HNF4A: variants seen among roughly 807,000 people sequenced by gnomAD.
HNF4A encodes the protein hepatocyte nuclear factor 4 alpha, also known as hepatocyte nuclear factor 4-alpha.
Under a neutral mutation model 52.4 loss-of-function variants are expected in HNF4A, and 15 were observed. The observed-to-expected ratio is 0.29, with a 90% CI of 0.19 to 0.44. The LOEUF is 0.44. Ranked by LOEUF, HNF4A falls within the 20% of genes least tolerant of loss-of-function variation. The probability of loss-of-function intolerance (pLI) is 1.00; values close to 1 mark genes in which losing one functional copy is unlikely to be tolerated. For synonymous variants in HNF4A, 280 were observed against 264.4 expected, an observed-to-expected ratio of 1.06 and a Z score of -0.57; for missense variants, 479 against 647.2, an observed-to-expected ratio of 0.74 and a Z score of 2.82.
chr20:44,401,024 T>C (rs112202184), upstream of HNF4A, among the ~76,000 whole-genome samples: 2,806 of 152,160 alleles, frequency 0.018, 84 homozygotes, highest in African/African-American at 0.064. Context: ...TGAGTCATGA[T>C]GCCTGCCTTG....
intron 3 of HNF4A, chr20:44,408,253 T>C (rs1415693550): frequency 6.4e-6 from 1 of 155,656 alleles, no homozygotes; most frequent in Non-Finnish European, 1.4e-5. Context: ...AGGCCCACAA[T>C]GGTTAAGCAA....
At chr20:44,412,121 A>T (rs550349650) in intron 3 of HNF4A, among the ~76,000 whole-genome samples, 98 of 152,266 alleles carry the variant, frequency 6.4e-4, no homozygotes, top group East Asian at 3.9e-4. Context: ...TCACTGCACA[A>T]ATATTCATTG....
At position 44,424,115 on chromosome 20, in the gene HNF4A, G is replaced by A. The variant is rs140146223; in HGVS notation, c.990G>A (p.Ser330=). 22 of 1,613,292 alleles carry A rather than the reference G, an allele frequency of 1.4e-5. No individual in the cohort carries two copies. Among genetic ancestry groups the A allele is most frequent in the Admixed American group, 5.0e-5 (3 of 59,980 alleles). ...ACATCAACGACCGCCAGTATGACTC[G>A]CGTGGCCGCTTTGGAGAGCTGCTGC... The change falls in exon 8 of 10, where the codon TCG becomes TCA. Residue 330 remains serine (S), a synonymous_variant. Coordinates refer to ENST00000316099, the MANE Select transcript of HNF4A (RefSeq NM_000457.6).
At chr20:44,389,121 T>G (rs919471465) in intron 1 of HNF4A, among the ~76,000 whole-genome samples, 2 of 152,232 alleles carry the variant, frequency 1.3e-5, no homozygotes, top group East Asian at 3.8e-4. Context: ...AAAGAACTTT[T>G]GCAAAGTGGC....
intron 1 of HNF4A, chr20:44,395,592 C>G (rs780777509): frequency 6.6e-6 from 1 of 152,188 alleles, no homozygotes; most frequent in African/African-American, 2.4e-5. Flanking sequence ...TGGCCCAGAC[C>G]CCCTGTCCCT....
Position 44,413,727 on chromosome 20 carries a change from G to C in HNF4A, c.419G>C (p.Arg140Pro). Residue 140 changes from arginine (R) to proline (P), a missense_variant, in exon 4 of 10, where the codon CGA (arginine) becomes CCA (proline). This residue lies in a region of HNF4A where 389 missense variants were observed against 525.1 expected (regional missense o/e 0.74). Transcript: ENST00000316099. ...AATGAGCGGGACCGGATCAGCACTC[G>C]AAGGTCAAGCTATGAGGACAGCAGC... 6.2e-7 allele frequency: 1 copy of C among 1,613,798 alleles called. No homozygotes were observed. The highest frequency in any genetic ancestry group is 1.1e-5 in the South Asian group (1 of 91,040).
intron 1 of HNF4A, among the ~76,000 whole-genome samples, chr20:44,357,852 CACAA>C (rs146236924): frequency 0.16 from 23,236 of 148,394 alleles, 2,123 homozygotes; most frequent in Middle Eastern, 0.26. Flanking sequence ...AAAAAAAAAA[CACAA>C]ACAAACAAAA....
intron 5 of HNF4A, among the ~76,000 whole-genome samples, chr20:44,414,965 G>A (rs529686382): frequency 6.6e-6 from 1 of 152,308 alleles, no homozygotes; most frequent in South Asian, 2.1e-4. Flanking sequence ...ATCCAGCATA[G>A]CTGGGATTAG....
At position 44,381,503 on chromosome 20, in the gene HNF4A, C is replaced by G. The variant is rs2063153450; in HGVS notation, c.50-24555C>G. Among the ~76,000 whole-genome samples, 3 of 151,992 alleles carry G rather than the reference C, an allele frequency of 2.0e-5. No individual in the cohort carries two copies. In the South Asian group the frequency reaches 6.2e-4, roughly 32 times the overall value. On this transcript the variant is annotated intron_variant, in intron 1 of 9. Transcript: ENST00000316673. ...CATGTTGGCCACGTGAAACTGGTCT[C>G]AAACTCCTGGCTTCAACTGATCTGC... is the stretch of plus-strand genomic sequence containing the variant.
chr20:44,406,100 G>T lies in HNF4A; in HGVS notation c.158G>T (p.Ser53Ile). 1.2e-6 allele frequency: 2 copies of T among 1,613,338 alleles called. No individual in the cohort carries two copies. The highest frequency in any genetic ancestry group is 2.2e-5 in the South Asian group (2 of 91,052). The change falls in exon 2 of 10, where the codon AGC (serine) becomes ATC (isoleucine). Residue 53 changes from serine (S) to isoleucine (I), a missense_variant. By Grantham distance (142) the Ser-to-Ile change is moderately radical (BLOSUM62 -2). Around this residue, in one of 3 missense-constraint regions of HNF4A, gnomAD observed 90 missense variants for 105.5 expected, o/e 0.85. Transcript: ENST00000316099. The stretch of plus-strand genomic sequence containing the variant: ...GGCACCAACCTCAACGCGCCCAACA[G>T]CCTGGGTGTCAGCGCCCTGTGTGCC...
At chr20:44,368,593 G>T (rs76677756) in intron 1 of HNF4A, among the ~76,000 whole-genome samples, 1,759 of 152,180 alleles carry the variant, frequency 0.012, 48 homozygotes, top group African/African-American at 0.041. Flanking sequence ...ACCCCTCAGG[G>T]TAGCTCTGCT....
At chr20:44,381,316 T>C (rs2063151327) in intron 1 of HNF4A, among the ~76,000 whole-genome samples, 1 of 148,502 alleles carries the variant, frequency 6.7e-6, no homozygotes, top group Admixed American at 6.8e-5. Context: ...AGTTTTACTC[T>C]GTCACCCAGG....
Position 44,413,681 on chromosome 20 carries a change from T to C in HNF4A, c.386-13T>C, listed in dbSNP as rs2063618236. ...CCTGTTCTCCCTCCTCACCTCTCTG[T>C]GCCTCCTCACAGCCGTCCAGAATGA... On this transcript the variant is annotated splice_polypyrimidine_tract_variant and intron_variant, in intron 3 of 9. Coordinates refer to ENST00000316099, the MANE Select transcript of HNF4A (RefSeq NM_000457.6). 6.2e-7 allele frequency: 1 copy of C among 1,605,436 alleles called. No individual in the cohort carries two copies. Among genetic ancestry groups the C allele is most frequent in the African/African-American group, 1.3e-5 (1 of 74,508 alleles).
At chr20:44,387,721 T>TAA (rs367716974) in intron 1 of HNF4A, among the ~76,000 whole-genome samples, 33,734 of 107,080 alleles carry the variant, frequency 0.32, 6,645 homozygotes, top group Admixed American at 0.46. Flanking sequence ...CTGGCAGGTT[T>TAA]AAAAAAAAAA....
intron 8 of HNF4A, 115 bp from the exon 9 acceptor site, chr20:44,428,220 G>T: frequency 9.8e-7 from 1 of 1,020,540 alleles, no homozygotes. Context: ...TACCCAACAG[G>T]CACTGCCAAT....
At chr20:44,403,019 T>C (rs553767256) in intron 1 of HNF4A, among the ~76,000 whole-genome samples, 29 of 152,320 alleles carry the variant, frequency 1.9e-4, no homozygotes, top group African/African-American at 7.0e-4. Flanking sequence ...CTTTTAGGCC[T>C]GTCTGAGGAC....
upstream of HNF4A, among the ~76,000 whole-genome samples, chr20:44,399,571 C>T (rs202202229): frequency 8.5e-5 from 13 of 152,194 alleles, no homozygotes; most frequent in Non-Finnish European, 1.9e-4. Context: ...GATGCCTCCT[C>T]ATACCACTCG....
chr20:44,403,078 G>T (rs976699287), intron 1 of HNF4A, among the ~76,000 whole-genome samples: 9 of 152,190 alleles, frequency 5.9e-5, no homozygotes, highest in Non-Finnish European at 1.2e-4. Flanking sequence ...CAAACAAGCT[G>T]CTGCTGCACT....
In HNF4A at chr20:44,419,887, C is replaced by CA; in HGVS notation, c.892+12dup. 1.2e-6 allele frequency: 2 copies of CA among 1,613,662 alleles called. No individual in the cohort carries two copies. Among genetic ancestry groups the CA allele is most frequent in the Non-Finnish European group, 1.7e-6 (2 of 1,179,554 alleles). On this transcript the variant is annotated intron_variant, in intron 7 of 9. Coordinates refer to ENST00000316099, the MANE Select transcript of HNF4A (RefSeq NM_000457.6). The stretch of plus-strand genomic sequence containing the variant: ...TCTTCTTTGACCCAGGTACAGTGCA[C>CA]ACCTCCTAAGCCATCCCTGACTCTC...
Sources: allele counts gnomAD v4.1 joint callset (sites outside exome capture counted in the v4.1 genomes callset), GRCh38; gene constraint gnomAD v4.1.1; regional missense constraint gnomAD v4.1.1; transcripts MANE v1.5; gene names NCBI Gene and HGNC (gene_info 2026-07-23, HGNC 2026-07-21).